TRIM22: variants seen among roughly 807,000 people sequenced by gnomAD.
TRIM22 encodes E3 ubiquitin-protein ligase TRIM22.
Under a neutral mutation model 53.6 loss-of-function variants are expected in TRIM22, and 45 were observed. The ratio of observed to expected loss-of-function variants is 0.84; its 90% confidence interval spans 0.66 to 1.08. TRIM22 has a LOEUF of 1.08. TRIM22 is among the 50% of genes least tolerant of loss of function. The pLI, the probability that TRIM22 is intolerant of heterozygous loss-of-function variation, is 0.00. For missense variants in TRIM22, 616 were observed against 590.9 expected (o/e 1.04, Z -0.44); for synonymous variants, 225 against 216.6 (o/e 1.04, Z -0.34).
chr11:5,698,238 A>G (rs1853301648), intron 3 of TRIM22, 77 bp from the exon 4 acceptor site: 3 of 1,195,002 alleles, frequency 2.5e-6, no homozygotes, highest in Admixed American at 1.8e-5. Flanking sequence ...AACTGTTCTT[A>G]TCCTGTCTCC....
At position 5,708,586 on chromosome 11, in the gene TRIM22, AT is replaced by A; in HGVS notation, c.885del (p.Asp295GlufsTer9). 6.2e-7 allele frequency: 1 copy of A among 1,605,870 alleles called. No individual in the cohort carries two copies. Among genetic ancestry groups the A allele is most frequent in the Non-Finnish European group, 8.5e-7 (1 of 1,177,860 alleles). On this transcript the variant is annotated frameshift_variant, in exon 7 of 8. Transcript: ENST00000379965. LOFTEE classifies it high-confidence loss of function. ...ACTTTTGTCGTTTCAGAGCTGACAG[AT>A]GTCCAGTACTACTGGGGTAAGATGA... ...GMLQVLKELT[D>X]VQYYWVDVML...
chr11:5,696,756 A>C (rs1300477729), intron 2 of TRIM22, 101 bp downstream of exon 2: 12 of 1,251,766 alleles, frequency 9.6e-6, no homozygotes, highest in Non-Finnish European at 1.3e-5. Context: ...TTGTCACCAT[A>C]GAACGGAGAG....
rs1853309548 is a variant in TRIM22, at chr11:5,698,487, G to T, written c.692G>T (p.Ser231Ile). 3 of 1,614,034 alleles carry T rather than the reference G, an allele frequency of 1.9e-6. No homozygotes were observed. The East Asian group carries it at 6.7e-5, about 36-fold the overall frequency. Residue 231 changes from serine (S) to isoleucine (I), a missense_variant, in exon 4 of 8, where the codon AGC becomes ATC. Physicochemically the swap from Ser to Ile is moderately radical, Grantham distance 142 (BLOSUM62 -2). Coordinates refer to ENST00000379965, the MANE Select transcript of TRIM22 (RefSeq NM_006074.5). The part of the protein sequence containing the change: ...DQLVQQRQDA[S>I]TLISDLQRRL... ...CTGGTCCAGCAGAGGCAGGATGCCAGCACGCTCATCTCAGATCTCCAGCGG... is the reference window on the plus strand; with the variant it reads ...CTGGTCCAGCAGAGGCAGGATGCCATCACGCTCATCTCAGATCTCCAGCGG...
chr11:5,698,058 A>T (rs1324532680), intron 3 of TRIM22: 1 of 422,860 alleles, frequency 2.4e-6, no homozygotes, highest in African/African-American at 2.0e-5. Context: ...GGTGTCTACA[A>T]TCCAAGCCTC....
chr11:5,708,876 T>A (rs899304193), intron 7 of TRIM22, among the ~76,000 whole-genome samples, 177 bp from the exon 8 acceptor site: 2 of 152,072 alleles, frequency 1.3e-5, no homozygotes, highest in African/African-American at 2.4e-5. Context: ...GCCACCACGC[T>A]TGGCTAATTT....
At chr11:5,695,868 G>C (rs902033342) in intron 1 of TRIM22, among the ~76,000 whole-genome samples, 1 of 152,158 alleles carries the variant, frequency 6.6e-6, no homozygotes, top group Non-Finnish European at 1.5e-5. Flanking sequence ...CAAAAGGCAG[G>C]ACAAATGATG....
Position 5,698,406 on chromosome 11 carries a change from A to G in TRIM22, c.611A>G (p.Lys204Arg). Residue 204 changes from lysine (K) to arginine (R), a missense_variant, in exon 4 of 8, where the codon AAG (lysine) becomes AGG (arginine). By Grantham distance (26) the Lys-to-Arg change is conservative (BLOSUM62 2). Transcript: ENST00000379965. The stretch of plus-strand genomic sequence containing the variant: ...AATGAGGAGCAGAGAGAGCTGCAAA[A>G]GCTGGAGGAAGGTGAGGTGAATGTG... ...LDNEEQRELQ[K>R]LEEGEVNVLD... The G allele has an allele frequency of 6.2e-7, 1 of 1,614,192 alleles. No homozygotes were observed. Among genetic ancestry groups the G allele is most frequent in the South Asian group, 1.1e-5 (1 of 91,086 alleles).
chr11:5,691,357 C>T (rs187607824), intron 1 of TRIM22, among the ~76,000 whole-genome samples: 23 of 152,196 alleles, frequency 1.5e-4, no homozygotes, highest in Admixed American at 4.6e-4. Context: ...CTGCATACAC[C>T]GGTAATTAGA....
intron 4 of TRIM22, 54 bp from the exon 5 acceptor site, chr11:5,706,540 A>G: frequency 6.3e-7 from 1 of 1,590,576 alleles, no homozygotes; most frequent in South Asian, 1.1e-5. Flanking sequence ...AGCCACTTTT[A>G]TGTTCTAAAT....
chr11:5,699,514 G>C (rs1448275617), intron 4 of TRIM22, among the ~76,000 whole-genome samples: 9 of 102,522 alleles, frequency 8.8e-5, no homozygotes, highest in Non-Finnish European at 3.5e-5. Flanking sequence ...CTGGGCGACA[G>C]AGCGAGACTC....
chr11:5,690,472 T>C (rs1477778928), intron 1 of TRIM22, among the ~76,000 whole-genome samples: 2 of 151,988 alleles, frequency 1.3e-5, no homozygotes, highest in Non-Finnish European at 2.9e-5. Context: ...GGAAGGGGTG[T>C]GTGTGATGAG....
chr11:5,708,235 G>T lies in TRIM22; in HGVS notation c.836G>T (p.Arg279Leu). Reference protein sequence around the residue: ...SVSKKLKSVFRVPDLSGMLQV... With the variant: ...SVSKKLKSVFLVPDLSGMLQV... Reference sequence around the variant, plus strand: ...TCCAAGAAACTAAAGAGTGTATTCCGAGTACCAGATCTGAGTGGGATGCTG... The same window carrying T: ...TCCAAGAAACTAAAGAGTGTATTCCTAGTACCAGATCTGAGTGGGATGCTG... Residue 279 changes from arginine to leucine, a missense_variant, in exon 6 of 8, where the codon CGA becomes CTA. By Grantham distance (102) the Arg-to-Leu change is moderately radical (BLOSUM62 -2). Coordinates refer to ENST00000379965, the MANE Select transcript of TRIM22 (RefSeq NM_006074.5). 1.2e-6 allele frequency: 2 copies of T among 1,614,148 alleles called. No homozygotes were observed. Among genetic ancestry groups the T allele is most frequent in the Non-Finnish European group, 1.7e-6 (2 of 1,180,010 alleles).
intron 1 of TRIM22, chr11:5,691,199 C>A (rs1295846793): frequency 1.3e-5 from 2 of 152,258 alleles, no homozygotes; most frequent in African/African-American, 2.4e-5. Context: ...GGGGTTTATT[C>A]GGCCAGGGGC....
At chr11:5,706,742 C>T (rs1853462362) in intron 5 of TRIM22, 126 bp downstream of exon 5, 3 of 970,776 alleles carry the variant, frequency 3.1e-6, no homozygotes, top group Admixed American at 5.2e-5. Context: ...ATTAAATTGT[C>T]CCAAATTGCT....
At chr11:5,691,774 A>G (rs537074869) in intron 1 of TRIM22, among the ~76,000 whole-genome samples, 12 of 152,206 alleles carry the variant, frequency 7.9e-5, no homozygotes, top group African/African-American at 2.9e-4. Context: ...ATCGCTGAGC[A>G]TTTTGTACCT....
At chr11:5,692,394 T>G (rs1853186711) in intron 1 of TRIM22, among the ~76,000 whole-genome samples, 1 of 152,210 alleles carries the variant, frequency 6.6e-6, no homozygotes, top group Admixed American at 6.5e-5. Flanking sequence ...TGGGGTAGCT[T>G]TATGAAATCT....
intron 1 of TRIM22, among the ~76,000 whole-genome samples, chr11:5,695,639 C>T (rs1590312326): frequency 6.6e-6 from 1 of 150,636 alleles, no homozygotes; most frequent in East Asian, 1.9e-4. Flanking sequence ...CACAGATTTA[C>T]TAGAAATTAT....
intron 1 of TRIM22, among the ~76,000 whole-genome samples, chr11:5,695,007 G>C (rs2134172702): frequency 6.6e-6 from 1 of 152,252 alleles, no homozygotes; most frequent in East Asian, 1.9e-4. Context: ...GGATAAGGAA[G>C]TTGTGGCTTT....
Position 5,696,551 on chromosome 11 carries a change from T to A in TRIM22, c.319T>A (p.Phe107Ile). 6.2e-7 allele frequency: 1 copy of A among 1,614,192 alleles called. No individual in the cohort carries two copies. Among genetic ancestry groups the A allele is most frequent in the Non-Finnish European group, 8.5e-7 (1 of 1,180,032 alleles). Residue 107 changes from phenylalanine to isoleucine, a missense_variant, in exon 2 of 8, where the codon TTC (phenylalanine) becomes ATC (isoleucine). Physicochemically the swap from Phe to Ile is conservative, Grantham distance 21. Coordinates refer to ENST00000379965, the MANE Select transcript of TRIM22 (RefSeq NM_006074.5). ...GCACCATGGAAAAAAACTCCAGATCTTCTGTAAGGAGGATGGAAAAGTCAT... is the reference window on the plus strand; with the variant it reads ...GCACCATGGAAAAAAACTCCAGATCATCTGTAAGGAGGATGGAAAAGTCAT... The part of the protein sequence containing the change: ...CEHHGKKLQI[F>I]CKEDGKVICW...
Sources: gnomAD v4.1 joint callset for allele counts (sites outside exome capture counted in the v4.1 genomes callset) on GRCh38, gnomAD v4.1.1 for gene constraint, MANE v1.5 for transcripts, NCBI Gene and HGNC (gene_info 2026-07-23, HGNC 2026-07-21) for gene names.